The following DIO2 variants were observed in gnomAD, a reference collection of about 807,000 sequenced individuals.
DIO2 encodes iodothyronine deiodinase 2, also known as type II iodothyronine deiodinase.
A neutral mutation model predicts 21.4 loss-of-function variants in DIO2; 19 were observed. The observed-to-expected ratio is 0.89, with a 90% CI of 0.62 to 1.30. The LOEUF (loss-of-function observed/expected upper bound fraction) is 1.30, where lower values mean the gene tolerates loss of function less well. DIO2 is among the 50% of genes most tolerant of loss of function. The probability of loss-of-function intolerance (pLI) is 0.00; values close to 1 mark genes in which losing one functional copy is unlikely to be tolerated. For missense variants in DIO2, 302 were observed against 338.1 expected, an observed-to-expected ratio of 0.89 and a Z score of 0.84; for synonymous variants, 122 against 132.9, an observed-to-expected ratio of 0.92 and a Z score of 0.57.
chr14:80,211,199 T>C (rs1423111763), intron 1 of DIO2, 52 bp downstream of exon 1: 11 of 1,540,956 alleles, frequency 7.1e-6, no homozygotes, highest in South Asian at 4.5e-5. Flanking sequence ...CCCCAGCATA[T>C]GAGCCCCTGC....
chr14:80,207,906 T>C (rs1271424723), intron 1 of DIO2, among the ~76,000 whole-genome samples: 1 of 152,196 alleles, frequency 6.6e-6, no homozygotes, highest in African/African-American at 2.4e-5. Flanking sequence ...CATTTTCCAT[T>C]GTGGAAACTA....
At chr14:80,223,042 T>C (rs1033680470) in intron 2 of DIO2, among the ~76,000 whole-genome samples, 1 of 152,002 alleles carries the variant, frequency 6.6e-6, no homozygotes, top group Non-Finnish European at 1.5e-5. Flanking sequence ...TTTTATTTTT[T>C]GTAGAGATGG....
rs117043662 is a variant in DIO2, at chr14:80,224,804, G to A, written c.-277-8067C>T. ...AGTTTAGATTTCTTCCTTCAGCAAC[G>A]TACTATGTATTACTCAGGGTTCCCT... On this transcript the variant is annotated intron_variant, in intron 2 of 4. Coordinates refer to the DIO2 transcript ENST00000553594. 7.2e-4 allele frequency among the ~76,000 whole-genome samples: 110 copies of A among 152,200 alleles called. No individual in the cohort carries two copies. The East Asian group carries it at 0.019, about 26-fold the overall frequency.
At chr14:80,215,329 T>C (rs1888326340), upstream of DIO2, among the ~76,000 whole-genome samples, 1 of 152,202 alleles carries the variant, frequency 6.6e-6, no homozygotes, top group South Asian at 2.1e-4. Context: ...TGCCTCTTTC[T>C]GGTTGGAAAA....
intron 1 of DIO2, among the ~76,000 whole-genome samples, chr14:80,209,019 G>C (rs1167420525): frequency 6.6e-6 from 1 of 152,022 alleles, no homozygotes; most frequent in Non-Finnish European, 1.5e-5. Flanking sequence ...AAGAAATACA[G>C]AATAGGAATA....
intron 1 of DIO2, among the ~76,000 whole-genome samples, chr14:80,203,750 G>A (rs777223469): frequency 5.9e-5 from 9 of 152,198 alleles, no homozygotes; most frequent in Non-Finnish European, 8.8e-5. Flanking sequence ...ACACCAGGCA[G>A]GACCTTCATT....
chr14:80,200,230 A>G lies in DIO2; in HGVS notation c.*2459T>C, dbSNP rs1452322259. ...TCTTCCAGAAATTCTTGCATGTTCT[A>G]TTGAACATCTTCCTCCCTGATAGCC... is the stretch of plus-strand genomic sequence containing the variant. On this transcript the variant is annotated 3_prime_UTR_variant, in exon 2 of 2. Coordinates refer to ENST00000438257, the MANE Select transcript of DIO2 (RefSeq NM_013989.5). 1 of 152,566 alleles carries G rather than the reference A, an allele frequency of 6.6e-6. No homozygotes were observed. Among genetic ancestry groups the G allele is most frequent in the Non-Finnish European group, 1.5e-5 (1 of 68,026 alleles). The allele number at this position is 152,566 out of a possible 1,614,324, so 9.5% of individuals were successfully genotyped here.
intron 1 of DIO2, among the ~76,000 whole-genome samples, chr14:80,209,304 C>T (rs1166839465): frequency 6.6e-6 from 1 of 151,356 alleles, no homozygotes; most frequent in Non-Finnish European, 1.5e-5. Context: ...TGAAACATGA[C>T]ATTTATATAA....
At position 80,201,886 on chromosome 14, in the gene DIO2, G is replaced by A. The variant is rs1440133968; in HGVS notation, c.*803C>T. ...CTCCTTCTTCTTTTTCTGGCCTTGTGTATGTTTCTATGTTTCCGTGGCTAA... is the reference window on the plus strand; with the variant it reads ...CTCCTTCTTCTTTTTCTGGCCTTGTATATGTTTCTATGTTTCCGTGGCTAA... On this transcript the variant is annotated 3_prime_UTR_variant, in exon 2 of 2. Coordinates refer to ENST00000438257, the MANE Select transcript of DIO2 (RefSeq NM_013989.5). 1.3e-5 allele frequency: 2 copies of A among 153,894 alleles called. No individual in the cohort carries two copies. Among genetic ancestry groups the A allele is most frequent in the African/African-American group, 4.8e-5 (2 of 41,344 alleles). The allele number at this position is 153,894 out of a possible 1,614,324, so 9.5% of individuals were successfully genotyped here. A position where few individuals can be genotyped will look rare whatever the true frequency, so the allele number is the denominator to read the frequency against.
intron 1 of DIO2, among the ~76,000 whole-genome samples, chr14:80,210,957 CAA>C (rs1888158859): frequency 1.3e-5 from 2 of 152,170 alleles, no homozygotes; most frequent in Non-Finnish European, 2.9e-5. Flanking sequence ...TGACTTTTCC[CAA>C]GTTATCGTAC....
At chr14:80,216,756 A>T (rs1888371508) in intron 2 of DIO2, 1 of 152,224 alleles carries the variant, frequency 6.6e-6, no homozygotes, top group Non-Finnish European at 1.5e-5. Context: ...AATGCAGTAG[A>T]CCAAAAGAAA....
intron 3 of DIO2, among the ~76,000 whole-genome samples, chr14:80,216,513 G>A (rs1486490997): frequency 6.6e-6 from 1 of 152,138 alleles, no homozygotes; most frequent in East Asian, 1.9e-4. Flanking sequence ...CTCTTATTTG[G>A]TTTTGAGAAC....
intron 1 of DIO2, among the ~76,000 whole-genome samples, chr14:80,210,845 C>T (rs1333813021): frequency 3.3e-5 from 5 of 152,176 alleles, no homozygotes; most frequent in African/African-American, 1.2e-4. Context: ...CTCGAACATA[C>T]TTCCTCAGTG....
At chr14:80,214,689 T>C (rs1476958624), upstream of DIO2, among the ~76,000 whole-genome samples, 1 of 152,134 alleles carries the variant, frequency 6.6e-6, no homozygotes, top group Non-Finnish European at 1.5e-5. Context: ...AAGCTATTTC[T>C]TTTTTTATGC....
intron 2 of DIO2, among the ~76,000 whole-genome samples, chr14:80,226,087 C>T (rs1036009317): frequency 3.9e-5 from 6 of 152,146 alleles, no homozygotes; most frequent in African/African-American, 1.4e-4. Flanking sequence ...CCCACTTCCA[C>T]CGCTTGATTC....
At chr14:80,206,178 A>T (rs1887948031) in intron 1 of DIO2, 2 of 1,145,802 alleles carry the variant, frequency 1.7e-6, no homozygotes, top group Non-Finnish European at 1.2e-6. Flanking sequence ...GAGAAAATGC[A>T]TAGATAAAAT....
rs573935457 is a variant in DIO2 at position 80,200,158 on chromosome 14, C to T, written c.*2531G>A. On this transcript the variant is annotated 3_prime_UTR_variant, in exon 2 of 2. Coordinates refer to ENST00000438257, the MANE Select transcript of DIO2 (RefSeq NM_013989.5). ...AAGACATTCTACATAGCGTAGGATT[C>T]CTGAGCTTTGTCCATTCATTTTCTC... 1 of 152,700 alleles carries T rather than the reference C, an allele frequency of 6.5e-6. No homozygotes were observed. The highest frequency in any genetic ancestry group is 2.1e-4 in the South Asian group (1 of 4,824). 9.5% of individuals were successfully genotyped at this position (152,700 alleles called of 1,614,324 possible). A position where few individuals can be genotyped will look rare whatever the true frequency, so the allele number is the denominator to read the frequency against.
At chr14:80,208,062 T>C (rs1464618972) in intron 1 of DIO2, among the ~76,000 whole-genome samples, 1 of 152,232 alleles carries the variant, frequency 6.6e-6, no homozygotes, top group African/African-American at 2.4e-5. Context: ...TCAGCATCTA[T>C]ACTGTGTGTT....
At chr14:80,223,452 A>G (rs186251654) in intron 2 of DIO2, among the ~76,000 whole-genome samples, 2 of 152,312 alleles carry the variant, frequency 1.3e-5, no homozygotes, top group East Asian at 3.9e-4. Context: ...TTGTGTTGCT[A>G]TTAACAAATG....
Sources: allele counts gnomAD v4.1 joint callset (sites outside exome capture counted in the v4.1 genomes callset), GRCh38; gene constraint gnomAD v4.1.1; transcripts MANE v1.5; gene names NCBI Gene and HGNC (gene_info 2026-07-23, HGNC 2026-07-21).